DBF4B: variants seen among roughly 807,000 people sequenced by gnomAD.
DBF4B encodes DBF4B-CDC7 kinase regulatory subunit.
DBF4B carries 49 observed loss-of-function variants against 53.4 expected under a neutral mutation model. The observed-to-expected ratio is 0.92, with a 90% CI of 0.73 to 1.16. The LOEUF is 1.16. Among genes scored for constraint, DBF4B ranks in the 50% most tolerant of loss-of-function variants. The pLI is 0.00. For missense variants in DBF4B, 692 were observed against 775.0 expected (o/e 0.89, Z 1.27); for synonymous variants, 257 against 288.7 (o/e 0.89, Z 1.11).
At chr17:44,731,166 T>C (rs980315083) in intron 5 of DBF4B, 151 bp downstream of exon 5, 1 of 888,256 alleles carries the variant, frequency 1.1e-6, no homozygotes, top group Non-Finnish European at 1.8e-6. Flanking sequence ...CATCAGGTAG[T>C]GGAGGCTCAG....
chr17:44,713,110 G>A (rs1163128713), intron 2 of DBF4B, among the ~76,000 whole-genome samples: 3 of 147,270 alleles, frequency 2.0e-5, no homozygotes, highest in Admixed American at 6.8e-5. Flanking sequence ...CGTGATCTGG[G>A]CTCACTACAA....
At chr17:44,748,930 C>T in intron 13 of DBF4B, 2 of 1,290,050 alleles carry the variant, frequency 1.6e-6, no homozygotes. Context: ...CTTCCCCTGG[C>T]AGCCCACAGA....
intron 5 of DBF4B, 193 bp from the exon 6 acceptor site, chr17:44,731,985 C>T: frequency 1.7e-6 from 1 of 574,786 alleles, no homozygotes; most frequent in Admixed American, 3.0e-5. Context: ...CCCAATGTGG[C>T]CATGTGGAGG....
At position 44,741,387 on chromosome 17, in the gene DBF4B, T is replaced by C. The variant is rs1567669889; in HGVS notation, c.765T>C (p.Phe255=). The C allele has an allele frequency of 1.9e-6, 3 of 1,613,854 alleles. No individual in the cohort carries two copies. Among genetic ancestry groups the C allele is most frequent in the African/African-American group, 1.3e-5 (1 of 75,058 alleles). Residue 255 remains phenylalanine, a synonymous_variant, in exon 10 of 14, where the codon TTT becomes TTC. Transcript: ENST00000315005. ...TTAAATCCTTTCCTGAAATTTCTTT[T>C]CTTGGACCCAAAGATGCAAGTCCCT... ...HQFKSFPEIS[F]LGPKDASPFE... is the part of the protein sequence containing the mutation.
Position 44,722,998 on chromosome 17 carries a change from G to C in DBF4B, c.201G>C (p.Thr67=). The C allele has an allele frequency of 6.2e-7, 1 of 1,614,018 alleles. No individual in the cohort carries two copies. The highest frequency in any genetic ancestry group is 8.5e-7 in the Non-Finnish European group (1 of 1,179,898). ...CTGGCAAGAATCTCCAGTTTTTGACGGGGGCCATTCAGCAACTGGGTGGGG... is the reference window on the plus strand; with the variant it reads ...CTGGCAAGAATCTCCAGTTTTTGACCGGGGCCATTCAGCAACTGGGTGGGG... ...LPAGKNLQFL[T]GAIQQLGGVI... Residue 67 remains threonine (T), a synonymous_variant, in exon 3 of 14, where the codon ACG becomes ACC. Transcript: ENST00000315005.
chr17:44,731,060 G>C (rs370456770), intron 5 of DBF4B, 45 bp downstream of exon 5: 3 of 1,611,152 alleles, frequency 1.9e-6, no homozygotes, highest in Non-Finnish European at 2.5e-6. Flanking sequence ...CTCCAGCATA[G>C]GGAGGGATTT....
chr17:44,741,480 A>AG, intron 10 of DBF4B, 28 bp downstream of exon 10: 1 of 1,499,102 alleles, frequency 6.7e-7, no homozygotes, highest in South Asian at 1.2e-5. Flanking sequence ...CTGAGTACCA[A>AG]GGGCTGGTTA....
At chr17:44,734,516 C>G (rs1975164839) in intron 7 of DBF4B, among the ~76,000 whole-genome samples, 1 of 152,234 alleles carries the variant, frequency 6.6e-6, no homozygotes, top group Non-Finnish European at 1.5e-5. Context: ...CCTGTACAGC[C>G]TCTAGACTGG....
chr17:44,727,601 C>T (rs975280199), intron 3 of DBF4B, among the ~76,000 whole-genome samples: 2 of 152,156 alleles, frequency 1.3e-5, no homozygotes, highest in African/African-American at 4.8e-5. Context: ...CAAACTGGCC[C>T]ATAATTACAT....
At chr17:44,738,842 G>T (rs1318216793) in intron 9 of DBF4B, among the ~76,000 whole-genome samples, 2 of 152,222 alleles carry the variant, frequency 1.3e-5, no homozygotes, top group Non-Finnish European at 2.9e-5. Context: ...AAATTAGGGT[G>T]CTAGGGGTGG....
At position 44,747,347 on chromosome 17, in the gene DBF4B, C is replaced by G. The variant is rs199664162; in HGVS notation, c.940-44C>G. On this transcript the variant is annotated intron_variant, in intron 11 of 13. Coordinates refer to ENST00000315005, the MANE Select transcript of DBF4B (RefSeq NM_145663.3). ...GGTCAGCTTCCGTGTCCCCCTCCCC[C>G]CAGGCCTCATCTAATGCCCTGTGCT... 134 of 1,611,534 alleles carry G rather than the reference C, an allele frequency of 8.3e-5. No individual in the cohort carries two copies. The African/African-American group carries it at 1.3e-3, about 15-fold the overall frequency.
At chr17:44,727,864 A>ATTTTTTTTT (rs756222247) in intron 3 of DBF4B, among the ~76,000 whole-genome samples, 460 of 106,566 alleles carry the variant, frequency 4.3e-3, no homozygotes, top group Middle Eastern at 6.3e-3. Context: ...TGCCCGGGTA[A>ATTTTTTTTT]TTTTTTTTTT....
chr17:44,732,520 C>G (rs541050137), intron 6 of DBF4B: 2 of 464,018 alleles, frequency 4.3e-6, no homozygotes, highest in Non-Finnish European at 7.8e-6. Context: ...TGCTACAGCT[C>G]TCCCCCAGCT....
chr17:44,751,405 A>T lies in DBF4B; in HGVS notation c.*152A>T. The T allele has an allele frequency of 1.2e-5, 17 of 1,430,664 alleles. No individual in the cohort carries two copies. The highest frequency in any genetic ancestry group is 1.5e-5 in the Non-Finnish European group (17 of 1,097,706). The allele number at this position is 1,430,664 out of a possible 1,614,324, so 88.6% of individuals were successfully genotyped here. ...ACATCGCACCAGATGACTTTTACCC[A>T]GACCCAGTGGGCATTGCCTTATCTT... On this transcript the variant is annotated 3_prime_UTR_variant, in exon 14 of 14. Transcript: ENST00000315005.
intron 9 of DBF4B, among the ~76,000 whole-genome samples, chr17:44,741,004 G>A (rs533040281): frequency 2.3e-3 from 351 of 152,184 alleles, no homozygotes; most frequent in Admixed American, 5.0e-3. Context: ...CCATGGTGGC[G>A]GACGCCTGTA....
rs751798119 is a variant in DBF4B at position 44,732,302 on chromosome 17, T to C, written c.556+37T>C. Reference sequence around the variant, plus strand: ...GTGCTGGGCTCCTGTGGAGGGAGAATTGGTGACTTTGACCAGGAGTGTCAG... The same window carrying C: ...GTGCTGGGCTCCTGTGGAGGGAGAACTGGTGACTTTGACCAGGAGTGTCAG... On this transcript the variant is annotated intron_variant, in intron 6 of 13. Transcript: ENST00000315005. 8.1e-6 allele frequency: 13 copies of C among 1,606,628 alleles called. No individual in the cohort carries two copies. In the East Asian group the frequency reaches 2.7e-4, roughly 33 times the overall value.
intron 10 of DBF4B, 116 bp from the exon 11 acceptor site, chr17:44,746,967 C>G (rs2049111326): frequency 1.1e-6 from 1 of 896,260 alleles, no homozygotes; most frequent in African/African-American, 1.6e-5. Context: ...CCTGCACAGC[C>G]CCTTGGCCAT....
At chr17:44,736,279 C>T (rs1017800107) in intron 7 of DBF4B, among the ~76,000 whole-genome samples, 3 of 152,068 alleles carry the variant, frequency 2.0e-5, no homozygotes, top group Admixed American at 6.6e-5. Flanking sequence ...CCACCACGCC[C>T]GGCCTCCATT....
At chr17:44,709,445 C>G in intron 2 of DBF4B, 79 bp downstream of exon 2, 1 of 1,462,106 alleles carries the variant, frequency 6.8e-7, no homozygotes, top group Non-Finnish European at 9.6e-7. Context: ...AAATGTTCCC[C>G]CTGTTGGAGT....
Sources: gnomAD v4.1 joint callset for allele counts (sites outside exome capture counted in the v4.1 genomes callset) on GRCh38, gnomAD v4.1.1 for gene constraint, MANE v1.5 for transcripts, NCBI Gene and HGNC (gene_info 2026-07-23, HGNC 2026-07-21) for gene names.